Variants in NEMP2 observed in about 807,000 individuals in gnomAD.
NEMP2 encodes nuclear envelope integral membrane protein 2, also known as UPF0571 transmembrane protein.
A neutral mutation model predicts 54.2 loss-of-function variants in NEMP2; 53 were observed. The ratio of observed to expected loss-of-function variants is 0.98; its 90% CI spans 0.78 to 1.23. The LOEUF is 1.23. Ranked by LOEUF, NEMP2 falls within the 50% of genes most tolerant of loss-of-function variation. The pLI is 0.00. For missense variants in NEMP2, 455 were observed against 511.3 expected (o/e 0.89, Z 1.06); for synonymous variants, 197 against 190.3 (o/e 1.04, Z -0.29).
At chr2:190,583,184 T>C in the NEMP2 span, among the ~76,000 whole-genome samples, 1 of 151,966 alleles carries the variant, frequency 6.6e-6, no homozygotes, top group East Asian at 1.9e-4. Context: ...AAAAACTTGA[T>C]GGGCAGAAGG....
At chr2:190,462,392 A>G in the NEMP2 span, among the ~76,000 whole-genome samples, 2 of 152,218 alleles carry the variant, frequency 1.3e-5, no homozygotes, top group African/African-American at 4.8e-5. This position sits in a 1 kb window ranked among gnomAD's most constrained non-coding sequence, Gnocchi z 5.7. Flanking sequence ...GAATTGCACC[A>G]TCCAAAATGA....
At chr2:190,448,113 T>C in the NEMP2 span, among the ~76,000 whole-genome samples, 1 of 152,146 alleles carries the variant, frequency 6.6e-6, no homozygotes, top group South Asian at 2.1e-4. Context: ...ACTGTACCTT[T>C]TGTGATTGCA....
At chr2:190,563,854 A>G in the NEMP2 span, among the ~76,000 whole-genome samples, 1 of 152,206 alleles carries the variant, frequency 6.6e-6, no homozygotes, top group Non-Finnish European at 1.5e-5. This position sits in a 1 kb window ranked among gnomAD's most constrained non-coding sequence, Gnocchi z 4.3. Context: ...GGGCCAGCCC[A>G]CTCATCAAAG....
At chr2:190,440,396 T>G in the NEMP2 span, among the ~76,000 whole-genome samples, 1 of 152,200 alleles carries the variant, frequency 6.6e-6, no homozygotes, top group Non-Finnish European at 1.5e-5. Flanking sequence ...GCAAATAGGA[T>G]AATAATGCTA....
the NEMP2 span, among the ~76,000 whole-genome samples, chr2:190,557,234 C>T: frequency 1.3e-5 from 2 of 152,270 alleles, no homozygotes; most frequent in East Asian, 1.9e-4. Context: ...GAAACAATTC[C>T]CTATTTAATA....
chr2:190,592,440 A>T, the NEMP2 span, among the ~76,000 whole-genome samples: 1 of 152,192 alleles, frequency 6.6e-6, no homozygotes, highest in African/African-American at 2.4e-5. This position sits in a 1 kb window ranked among gnomAD's most constrained non-coding sequence, Gnocchi z 4.4. Context: ...AGGGGATGCA[A>T]GGCAGATCTG....
At chr2:190,575,118 GT>G in the NEMP2 span, among the ~76,000 whole-genome samples, 1 of 151,850 alleles carries the variant, frequency 6.6e-6, no homozygotes, top group African/African-American at 2.4e-5. Flanking sequence ...CCCTCCCAAA[GT>G]GCTGGGATTA....
the NEMP2 span, among the ~76,000 whole-genome samples, chr2:190,624,003 GC>G: frequency 6.6e-6 from 1 of 152,184 alleles, no homozygotes; most frequent in Non-Finnish European, 1.5e-5. Flanking sequence ...AATGGGCAGA[GC>G]CAGGCACATG....
chr2:190,435,783 A>G, the NEMP2 span: 1 of 458,738 alleles, frequency 2.2e-6, no homozygotes, highest in Admixed American at 3.8e-5. Context: ...GTCAGTGGCC[A>G]TAAAGAGTAT....
At chr2:190,592,715 G>A in the NEMP2 span, among the ~76,000 whole-genome samples, 3 of 151,976 alleles carry the variant, frequency 2.0e-5, no homozygotes, top group East Asian at 5.8e-4. This position sits in a 1 kb window ranked among gnomAD's most constrained non-coding sequence, Gnocchi z 4.4. Context: ...TGTTAGAAAG[G>A]CTCCCAAATT....
chr2:190,500,132 C>G, downstream of NEMP2: 2 of 1,614,158 alleles, frequency 1.2e-6, no homozygotes, highest in Non-Finnish European at 1.7e-6. The surrounding 1 kb of genome is among the most constrained non-coding windows in gnomAD (Gnocchi z 5.3). Context: ...ATCTCAGACG[C>G]AGACCAGCCC....
chr2:190,605,549 G>A, the NEMP2 span, among the ~76,000 whole-genome samples: 5 of 151,998 alleles, frequency 3.3e-5, no homozygotes, highest in Admixed American at 3.3e-4. Flanking sequence ...TAATTTTCTT[G>A]TATTTTTAGT....
At chr2:190,610,018 T>C in the NEMP2 span, 2 of 151,958 alleles carry the variant, frequency 1.3e-5, no homozygotes, top group Non-Finnish European at 1.5e-5. This position sits in a 1 kb window ranked among gnomAD's most constrained non-coding sequence, Gnocchi z 5.4. Flanking sequence ...TTAGGAAGAA[T>C]GGGGGAAAAG....
At chr2:190,451,956 TC>T in the NEMP2 span, among the ~76,000 whole-genome samples, 1 of 152,242 alleles carries the variant, frequency 6.6e-6, no homozygotes, top group South Asian at 2.1e-4. This position sits in a 1 kb window ranked among gnomAD's most constrained non-coding sequence, Gnocchi z 5.0. Context: ...GGTCCATTTT[TC>T]TTCATTCTCT....
At chr2:190,543,379 C>G in the NEMP2 span, among the ~76,000 whole-genome samples, 4 of 152,184 alleles carry the variant, frequency 2.6e-5, no homozygotes, top group African/African-American at 9.7e-5. The surrounding 1 kb of genome is among the most constrained non-coding windows in gnomAD (Gnocchi z 4.7). Flanking sequence ...TCTGGCTGTT[C>G]TCAAGGATAT....
chr2:190,498,854 TAA>T, the NEMP2 span, among the ~76,000 whole-genome samples: 2 of 152,206 alleles, frequency 1.3e-5, no homozygotes, highest in Non-Finnish European at 2.9e-5. The surrounding 1 kb of genome is among the most constrained non-coding windows in gnomAD (Gnocchi z 5.9). Context: ...TTAGGATTAA[TAA>T]ATTTTTTTCT....
At chr2:190,641,138 G>A in the NEMP2 span, 2 of 151,768 alleles carry the variant, frequency 1.3e-5, no homozygotes, top group Non-Finnish European at 1.5e-5. Context: ...TTTTTTTAGG[G>A]GAGCCCTGTA....
At chr2:190,618,629 G>C in the NEMP2 span, among the ~76,000 whole-genome samples, 1 of 152,152 alleles carries the variant, frequency 6.6e-6, no homozygotes, top group Non-Finnish European at 1.5e-5. Context: ...CTTCAGGCCA[G>C]AGTACAGTGG....
At chr2:190,648,481 A>G in the NEMP2 span, 17 of 143,000 alleles carry the variant, frequency 1.2e-4, no homozygotes, top group African/African-American at 4.0e-4. Context: ...CTCTGCCCCG[A>G]GCCTGCGGGG....
Sources: gnomAD v4.1 joint callset for allele counts (sites outside exome capture counted in the v4.1 genomes callset) on GRCh38, gnomAD v4.1.1 for gene constraint, Gnocchi (gnomAD v3.1) non-coding constraint, MANE v1.5 for transcripts, NCBI Gene and HGNC (gene_info 2026-07-23, HGNC 2026-07-21) for gene names.